The following VMP1 variants were observed in gnomAD, a reference collection of about 807,000 sequenced individuals.
VMP1 encodes vacuole membrane protein 1.
A neutral mutation model predicts 56.0 loss-of-function variants in VMP1; 11 were observed. The observed-to-expected ratio is 0.20, with a 90% CI of 0.12 to 0.32. VMP1 has a LOEUF of 0.32. Among genes scored for constraint, VMP1 ranks in the 10% least tolerant of loss-of-function variants. The probability of loss-of-function intolerance (pLI) is 1.00; values close to 1 mark genes in which losing one functional copy is unlikely to be tolerated. For synonymous variants in VMP1, 149 were observed against 165.0 expected, an observed-to-expected ratio of 0.90 and a Z score of 0.74; for missense variants, 296 against 490.3, an observed-to-expected ratio of 0.60 and a Z score of 3.74.
intron 7 of VMP1, among the ~76,000 whole-genome samples, chr17:59,801,236 T>C (rs1042035628): frequency 6.6e-6 from 1 of 151,454 alleles, no homozygotes; most frequent in African/African-American, 2.4e-5. Flanking sequence ...ACTATAGTTT[T>C]ATCTTTTGTG....
At chr17:59,814,636 A>G (rs1282430644) in intron 9 of VMP1, among the ~76,000 whole-genome samples, 1 of 152,350 alleles carries the variant, frequency 6.6e-6, no homozygotes, top group Non-Finnish European at 1.5e-5. Flanking sequence ...ACCACATTTC[A>G]TAGATGAGGG....
At chr17:59,826,503 A>G (rs1239974813) in intron 10 of VMP1, among the ~76,000 whole-genome samples, 1 of 152,202 alleles carries the variant, frequency 6.6e-6, no homozygotes, top group Non-Finnish European at 1.5e-5. Context: ...ATTAAATAGG[A>G]GGGACCAGTG....
intron 7 of VMP1, among the ~76,000 whole-genome samples, chr17:59,791,386 T>G (rs2037221631): frequency 1.3e-5 from 2 of 151,934 alleles, no homozygotes; most frequent in African/African-American, 4.8e-5. Flanking sequence ...AGACGGGGTT[T>G]TAGTATGTTG....
At chr17:59,709,917 G>T (rs940677808) in intron 1 of VMP1, among the ~76,000 whole-genome samples, 6 of 152,172 alleles carry the variant, frequency 3.9e-5, no homozygotes, top group Admixed American at 2.0e-4. Flanking sequence ...TTATTATTGG[G>T]CCGGGCGCGG....
intron 10 of VMP1, among the ~76,000 whole-genome samples, chr17:59,836,288 G>T (rs538163190): frequency 1.5e-3 from 225 of 151,650 alleles, no homozygotes; most frequent in African/African-American, 4.7e-3. Flanking sequence ...GTACAGTGCA[G>T]CCCTGAGCTT....
At chr17:59,797,930 G>A (rs1235819978) in intron 7 of VMP1, among the ~76,000 whole-genome samples, 2 of 152,144 alleles carry the variant, frequency 1.3e-5, no homozygotes, top group African/African-American at 4.8e-5. Context: ...TTCAAAAATA[G>A]GAAAAGCTAA....
chr17:59,774,513 A>G (rs1364934865), intron 7 of VMP1, among the ~76,000 whole-genome samples: 1 of 152,206 alleles, frequency 6.6e-6, no homozygotes, highest in Non-Finnish European at 1.5e-5. Context: ...TGTATTCCAC[A>G]TAGTGTGCAG....
intron 6 of VMP1, among the ~76,000 whole-genome samples, chr17:59,766,612 T>C (rs772257236): frequency 6.6e-6 from 1 of 152,204 alleles, no homozygotes; most frequent in Non-Finnish European, 1.5e-5. Flanking sequence ...CCAAGCCTTA[T>C]TATAGTGAAC....
At chr17:59,709,649 G>T (rs953785975) in intron 1 of VMP1, among the ~76,000 whole-genome samples, 31 of 152,178 alleles carry the variant, frequency 2.0e-4, no homozygotes, top group African/African-American at 7.5e-4. Flanking sequence ...TTTCTGAGAT[G>T]ATCTTTGCCC....
intron 10 of VMP1, among the ~76,000 whole-genome samples, chr17:59,836,825 A>G (rs1448355556): frequency 2.6e-5 from 4 of 151,746 alleles, no homozygotes; most frequent in African/African-American, 9.7e-5. Flanking sequence ...AGTTAGGGAT[A>G]TGTTAGCATC....
rs142361616 is a variant in VMP1 at position 59,820,249 on chromosome 17, C to A, written c.974+2476C>A. On this transcript the variant is annotated intron_variant, in intron 10 of 11. Coordinates refer to ENST00000262291, the MANE Select transcript of VMP1 (RefSeq NM_030938.5). ...ACTACTTTGTCCATATTTGAGTCTCCCACCACTGGTCTTTGCTTGTGCTTT... is the reference window on the plus strand; with the variant it reads ...ACTACTTTGTCCATATTTGAGTCTCACACCACTGGTCTTTGCTTGTGCTTT... Among the ~76,000 whole-genome samples the A allele has an allele frequency of 9.4e-4, 143 of 152,216 alleles. 1 individual carries two copies. The highest frequency in any genetic ancestry group is 3.4e-3 in the African/African-American group (140 of 41,544).
At chr17:59,773,999 AAAAG>A (rs1291929869) in intron 7 of VMP1, 114 bp downstream of exon 7, 46 of 1,086,388 alleles carry the variant, frequency 4.2e-5, no homozygotes, top group South Asian at 2.9e-4. Flanking sequence ...AAAAAAAAAA[AAAAG>A]AAAGAAAAAT....
chr17:59,766,043 G>A (rs2143993223), intron 6 of VMP1, among the ~76,000 whole-genome samples: 1 of 151,722 alleles, frequency 6.6e-6, no homozygotes, highest in South Asian at 2.1e-4. Flanking sequence ...AATAAAAATT[G>A]TGTGTGTGTA....
At chr17:59,733,078 G>C (rs1280668418) in intron 2 of VMP1, among the ~76,000 whole-genome samples, 1 of 152,126 alleles carries the variant, frequency 6.6e-6, no homozygotes, top group Admixed American at 6.6e-5. Context: ...GTTCTAGCTA[G>C]CTACTGGAAA....
chr17:59,801,081 A>G (rs1222810534), intron 7 of VMP1, among the ~76,000 whole-genome samples: 3 of 19,900 alleles, frequency 1.5e-4, no homozygotes, highest in East Asian at 4.7e-3. Context: ...CTCCATCTCG[A>G]AAAAAAAAAA....
intron 10 of VMP1, among the ~76,000 whole-genome samples, chr17:59,824,094 TA>T (rs2042671492): frequency 6.6e-6 from 1 of 151,298 alleles, no homozygotes; most frequent in South Asian, 2.1e-4. Context: ...CCACTAAACA[TA>T]CAAAAATTAG....
rs1555623872 is a variant in VMP1, at chr17:59,801,091, A to ATAT, written c.715-7705_715-7704insTAT. 6.7e-4 allele frequency among the ~76,000 whole-genome samples: 73 copies of ATAT among 109,308 alleles called. 2 individuals carry two copies. Among genetic ancestry groups the ATAT allele is most frequent in the East Asian group, 6.5e-3 (26 of 3,996 alleles). The allele number at this position is 109,308 out of a possible 152,430, so 71.7% of individuals were successfully genotyped here. On this transcript the variant is annotated intron_variant, in intron 7 of 11. Transcript: ENST00000262291. ...CAAGACTCCATCTCGAAAAAAAAAA[A>ATAT]ATATATATATATATATATATATGTG...
intron 7 of VMP1, among the ~76,000 whole-genome samples, chr17:59,791,187 T>TG (rs2037213363): frequency 3.8e-5 from 2 of 53,008 alleles, no homozygotes; most frequent in Admixed American, 4.5e-4. Flanking sequence ...CAGTTCCCTT[T>TG]TTTTTTTTTT....
intron 5 of VMP1, among the ~76,000 whole-genome samples, chr17:59,745,253 A>G (rs2035381151): frequency 6.6e-6 from 1 of 152,238 alleles, no homozygotes; most frequent in Admixed American, 6.5e-5. Flanking sequence ...GGCAGCTAAC[A>G]TTTATTGAAT....
Sources: allele counts gnomAD v4.1 joint callset (sites outside exome capture counted in the v4.1 genomes callset), GRCh38; gene constraint gnomAD v4.1.1; transcripts MANE v1.5; gene names NCBI Gene and HGNC (gene_info 2026-07-23, HGNC 2026-07-21).